Variants in IL1RAPL1 observed in about 807,000 individuals in gnomAD.
The protein encoded by IL1RAPL1 is interleukin-1 receptor accessory protein-like 1.
A neutral mutation model predicts 48.4 loss-of-function variants in IL1RAPL1; 3 were observed. The observed-to-expected ratio is 0.06, with a 90% CI of 0.03 to 0.16. IL1RAPL1 has a LOEUF of 0.16. Among genes scored for constraint, IL1RAPL1 ranks in the 10% least tolerant of loss-of-function variants. IL1RAPL1 has a pLI of 1.00. For missense variants in IL1RAPL1, 349 were observed against 530.6 expected (o/e 0.66, Z 3.36); for synonymous variants, 185 against 187.7 (o/e 0.99, Z 0.12).
chrX:29,001,697 G>T (rs2147388403), intron 2 of IL1RAPL1, among the ~76,000 whole-genome samples: 1 of 111,301 alleles, frequency 9.0e-6, no homozygotes, highest in Admixed American at 9.6e-5. Context: ...TCATTTAAAA[G>T]AAAGAAAAAA....
At chrX:29,766,342 A>AAAAAAAAAAAATAT (rs1200679211) in intron 6 of IL1RAPL1, among the ~76,000 whole-genome samples, 1 of 47,542 alleles carries the variant, frequency 2.1e-5, no homozygotes, top group African/African-American at 9.0e-5. Flanking sequence ...AAAAAAAAAA[A>AAAAAAAAAAAATAT]ATATATATAT....
chrX:29,534,826 G>A lies in IL1RAPL1; in HGVS notation c.704-133604G>A, dbSNP rs893071587. ...TACTAAAAATACAAAAAAATTAGCCGGGCGTGGTGGCGGGCGCCTGTAGTC... is the reference window on the plus strand; with the variant it reads ...TACTAAAAATACAAAAAAATTAGCCAGGCGTGGTGGCGGGCGCCTGTAGTC... On this transcript the variant is annotated intron_variant, in intron 5 of 10. Coordinates refer to ENST00000378993, the MANE Select transcript of IL1RAPL1 (RefSeq NM_014271.4). 9.1e-5 allele frequency among the ~76,000 whole-genome samples: 10 copies of A among 109,956 alleles called. No individual in the cohort carries two copies. The South Asian group carries it at 1.2e-3, about 13-fold the overall frequency.
intron 2 of IL1RAPL1, among the ~76,000 whole-genome samples, chrX:29,131,173 A>G (rs1055735176): frequency 3.6e-5 from 4 of 111,706 alleles, no homozygotes; most frequent in African/African-American, 1.3e-4. Context: ...TGTCATAGTA[A>G]CAGAAAAACA....
chrX:28,957,977 A>G (rs1601977638), intron 2 of IL1RAPL1, among the ~76,000 whole-genome samples: 1 of 110,542 alleles, frequency 9.0e-6, no homozygotes, highest in African/African-American at 3.3e-5. Flanking sequence ...AAATAAAAAT[A>G]AAATATTATT....
intron 2 of IL1RAPL1, among the ~76,000 whole-genome samples, chrX:28,947,910 A>G (rs1292589461): frequency 9.0e-6 from 1 of 111,684 alleles, no homozygotes; most frequent in African/African-American, 3.2e-5. Context: ...GATAGGCTTT[A>G]GAAATGGAAA....
At chrX:29,166,908 T>C (rs1240214144) in intron 2 of IL1RAPL1, among the ~76,000 whole-genome samples, 1 of 112,086 alleles carries the variant, frequency 8.9e-6, no homozygotes, top group African/African-American at 3.2e-5. Flanking sequence ...TTTTCATGCG[T>C]GAATTTCCAG....
chrX:29,239,840 G>A (rs1208063204), intron 2 of IL1RAPL1, among the ~76,000 whole-genome samples: 1 of 110,213 alleles, frequency 9.1e-6, no homozygotes, highest in African/African-American at 3.3e-5. Context: ...GGACACCCAT[G>A]TTCTAGAGGC....
At chrX:29,942,722 C>T (rs752171812) in intron 9 of IL1RAPL1, among the ~76,000 whole-genome samples, 3 of 109,014 alleles carry the variant, frequency 2.8e-5, no homozygotes, top group Non-Finnish European at 5.7e-5. Context: ...CGGGTTCAAG[C>T]GATCCTCCTG....
At chrX:28,961,390 G>T (rs1924772601) in intron 2 of IL1RAPL1, among the ~76,000 whole-genome samples, 1 of 111,034 alleles carries the variant, frequency 9.0e-6, no homozygotes, top group Middle Eastern at 4.7e-3. Context: ...ATGCAGGTTT[G>T]TTACATAGGT....
At chrX:28,676,130 ATTC>A (rs1454224055) in intron 1 of IL1RAPL1, among the ~76,000 whole-genome samples, 1 of 111,892 alleles carries the variant, frequency 8.9e-6, no homozygotes, top group African/African-American at 3.3e-5. Context: ...TAGCTTCACT[ATTC>A]TTAATTTTTT....
chrX:29,186,596 A>C, intron 2 of IL1RAPL1, among the ~76,000 whole-genome samples: 1 of 111,484 alleles, frequency 9.0e-6, no homozygotes, highest in Admixed American at 9.7e-5. Context: ...GCATTAAGTT[A>C]CCACGGTTGC....
intron 3 of IL1RAPL1, among the ~76,000 whole-genome samples, chrX:29,331,464 C>G (rs1031161591): frequency 2.7e-5 from 3 of 111,544 alleles, no homozygotes; most frequent in African/African-American, 9.8e-5. Flanking sequence ...ATTCTCAGCT[C>G]TTTCCCAAGG....
At chrX:29,480,010 T>C in intron 5 of IL1RAPL1, among the ~76,000 whole-genome samples, 1 of 106,733 alleles carries the variant, frequency 9.4e-6, no homozygotes, top group Non-Finnish European at 1.9e-5. Flanking sequence ...ATATAATGAC[T>C]TTTTTTTTTC....
intron 3 of IL1RAPL1, among the ~76,000 whole-genome samples, chrX:29,344,700 C>T (rs1036653999): frequency 3.6e-5 from 4 of 111,622 alleles, no homozygotes; most frequent in African/African-American, 3.3e-5. Flanking sequence ...TGCAATGGTG[C>T]GATCTTGGCT....
rs778201824 is a variant in IL1RAPL1, at chrX:29,587,599, T to C, written c.704-80831T>C. Among the ~76,000 whole-genome samples, 155 of 112,168 alleles carry C rather than the reference T, an allele frequency of 1.4e-3. 1 individual carries two copies. Among genetic ancestry groups the C allele is most frequent in the African/African-American group, 4.6e-3 (141 of 30,937 alleles). The stretch of plus-strand genomic sequence containing the variant: ...ACTTGATTAGCCATTCCACAATGTA[T>C]ATGTACTTCAAAACATCATGTTATA... On this transcript the variant is annotated intron_variant, in intron 5 of 10. Coordinates refer to ENST00000378993, the MANE Select transcript of IL1RAPL1 (RefSeq NM_014271.4).
intron 6 of IL1RAPL1, among the ~76,000 whole-genome samples, chrX:29,915,765 A>ATACTT (rs1932794829): frequency 2.6e-5 from 1 of 38,818 alleles, no homozygotes; most frequent in Non-Finnish European, 4.7e-5. Flanking sequence ...TATTTTTATT[A>ATACTT]TACTTTAAGT....
At chrX:28,841,033 A>AT (rs1159975888) in intron 2 of IL1RAPL1, among the ~76,000 whole-genome samples, 3 of 111,403 alleles carry the variant, frequency 2.7e-5, no homozygotes, top group Non-Finnish European at 5.7e-5. Context: ...AGAGGAAAAT[A>AT]TTTTTTTCAA....
At chrX:29,401,814 T>G (rs1933996430) in intron 5 of IL1RAPL1, among the ~76,000 whole-genome samples, 1 of 111,389 alleles carries the variant, frequency 9.0e-6, no homozygotes, top group Non-Finnish European at 1.9e-5. Context: ...TATCCTTAGC[T>G]AAGTGAAGTA....
chrX:29,077,234 C>G (rs978390179), intron 2 of IL1RAPL1, among the ~76,000 whole-genome samples: 3 of 111,780 alleles, frequency 2.7e-5, no homozygotes, highest in African/African-American at 9.8e-5. Flanking sequence ...ACAGATTTGG[C>G]TGGGTGAAAA....
Sources: allele counts gnomAD v4.1 joint callset (sites outside exome capture counted in the v4.1 genomes callset), GRCh38; gene constraint gnomAD v4.1.1; transcripts MANE v1.5; gene names NCBI Gene and HGNC (gene_info 2026-07-23, HGNC 2026-07-21).